TRMT9B: variants seen among roughly 807,000 people sequenced by gnomAD.
The protein encoded by TRMT9B is probable tRNA methyltransferase 9B.
In TRMT9B, 16 loss-of-function variants were observed where a neutral mutation model predicts 11.5. The ratio of observed to expected loss-of-function variants is 1.39; its 90% confidence interval spans 0.94 to 2.11. TRMT9B has a LOEUF of 2.11. Ranked by LOEUF, TRMT9B falls within the 30% of genes most tolerant of loss-of-function variation. TRMT9B has a pLI of 0.00. For missense variants in TRMT9B, 941 were observed against 553.8 expected (o/e 1.70, Z -7.02); for synonymous variants, 274 against 192.4 (o/e 1.42, Z -3.51).
At position 13,026,463 on chromosome 8, in the gene TRMT9B, G is replaced by T. The variant is rs1814703022; in HGVS notation, c.*4419G>T. 6.0e-6 allele frequency: 1 copy of T among 166,228 alleles called. No homozygotes were observed. 10.3% of individuals were successfully genotyped at this position (166,228 alleles called of 1,614,324 possible). On this transcript the variant is annotated 3_prime_UTR_variant, in exon 5 of 5. Coordinates refer to ENST00000524591, the MANE Select transcript of TRMT9B (RefSeq NM_020844.3). Reference sequence around the variant, plus strand: ...TATATAAGGGGGAAAGGGGTGGGGGGGAGGGGTTGTGCGGCTGGGGCCTCA... The same window carrying T: ...TATATAAGGGGGAAAGGGGTGGGGGTGAGGGGTTGTGCGGCTGGGGCCTCA...
rs765442177 is a variant in TRMT9B, at chr8:13,021,769, A to C, written c.1090A>C (p.Asn364His). Residue 364 changes from asparagine to histidine, a missense_variant, in exon 5 of 5, where the codon AAC becomes CAC. Asn to His is a moderately conservative substitution (Grantham distance 68). Coordinates refer to ENST00000524591, the MANE Select transcript of TRMT9B (RefSeq NM_020844.3). ...NTGVNCVDAG[N>H]IEDDNPSASK... ...TGGTGTGAATTGTGTGGATGCAGGC[A>C]ACATAGAAGATGATAATCCTTCTGC... 6.2e-7 allele frequency: 1 copy of C among 1,613,998 alleles called. No homozygotes were observed. The highest frequency in any genetic ancestry group is 8.5e-7 in the Non-Finnish European group (1 of 1,179,894).
intron 4 of TRMT9B, among the ~76,000 whole-genome samples, chr8:13,015,475 C>A (rs532350517): frequency 6.6e-6 from 1 of 152,184 alleles, no homozygotes; most frequent in East Asian, 1.9e-4. Context: ...CCTCAGCCTC[C>A]CAAGTAGCTG....
At chr8:13,014,052 G>A (rs891852032) in intron 4 of TRMT9B, among the ~76,000 whole-genome samples, 2 of 152,216 alleles carry the variant, frequency 1.3e-5, no homozygotes, top group Middle Eastern at 3.2e-3. Context: ...AGAATAAGAT[G>A]ATTTGCTCTT....
At chr8:13,016,362 C>G (rs1812704684) in intron 4 of TRMT9B, among the ~76,000 whole-genome samples, 1 of 145,064 alleles carries the variant, frequency 6.9e-6, no homozygotes, top group Non-Finnish European at 1.5e-5. Context: ...ATATAAGGAC[C>G]TATATTATGA....
intron 3 of TRMT9B, among the ~76,000 whole-genome samples, chr8:13,007,966 T>C (rs181755057): frequency 6.6e-6 from 1 of 152,314 alleles, no homozygotes; most frequent in African/African-American, 2.4e-5. Flanking sequence ...GAATATACAG[T>C]TGATTGCCAT....
At chr8:12,968,313 G>C (rs914094503) in intron 1 of TRMT9B, among the ~76,000 whole-genome samples, 3 of 152,212 alleles carry the variant, frequency 2.0e-5, no homozygotes, top group African/African-American at 7.2e-5. Context: ...GTCAAGAAGA[G>C]TGAGGAAGTG....
At position 13,024,888 on chromosome 8, in the gene TRMT9B, T is replaced by C. The variant is rs144981178; in HGVS notation, c.*2844T>C. The C allele has an allele frequency of 1.1e-3, 183 of 167,126 alleles. No individual in the cohort carries two copies. The highest frequency in any genetic ancestry group is 1.9e-3 in the Non-Finnish European group (129 of 68,116). 10.4% of individuals were successfully genotyped at this position (167,126 alleles called of 1,614,324 possible). A position where few individuals can be genotyped will look rare whatever the true frequency, so the allele number is the denominator to read the frequency against. On this transcript the variant is annotated 3_prime_UTR_variant, in exon 5 of 5. Coordinates refer to ENST00000524591, the MANE Select transcript of TRMT9B (RefSeq NM_020844.3). ...GTCACATGGAAAGCTCTTTTAAATT[T>C]AACTTCCGCCTTTGGATTTTTTTTA... is the stretch of plus-strand genomic sequence containing the variant.
intron 2 of TRMT9B, among the ~76,000 whole-genome samples, chr8:13,001,112 C>T (rs558886042): frequency 9.8e-5 from 15 of 152,310 alleles, no homozygotes; most frequent in Non-Finnish European, 2.1e-4. Context: ...CCTACAGCTA[C>T]ATTTATTTTG....
chr8:12,993,473 T>C (rs1033681537), intron 2 of TRMT9B, among the ~76,000 whole-genome samples: 3 of 152,162 alleles, frequency 2.0e-5, no homozygotes, highest in African/African-American at 7.2e-5. Context: ...GAAGGTTGTG[T>C]TGCCAACTCC....
rs147989378 is a variant in TRMT9B, at chr8:12,989,155, C to T, written c.-199-1679C>T. 4.9e-3 allele frequency among the ~76,000 whole-genome samples: 748 copies of T among 152,200 alleles called. 9 individuals carry two copies. The highest frequency in any genetic ancestry group is 0.017 in the African/African-American group (701 of 41,530). ...CTGACCCTCTTCCCAGGAAAATACA[C>T]GCATGGCTTATTTCAGAAGGTTTAA... On this transcript the variant is annotated intron_variant, in intron 1 of 4. Coordinates refer to ENST00000524591, the MANE Select transcript of TRMT9B (RefSeq NM_020844.3).
intron 1 of TRMT9B, among the ~76,000 whole-genome samples, chr8:12,963,752 C>A: frequency 6.6e-6 from 1 of 152,160 alleles, no homozygotes; most frequent in East Asian, 1.9e-4. Flanking sequence ...CTGTCTCAAA[C>A]AAAACAAAAA....
chr8:12,952,361 G>T (rs1273787543), intron 1 of TRMT9B: 9 of 323,108 alleles, frequency 2.8e-5, no homozygotes, highest in South Asian at 1.1e-4. Context: ...CCGCCTGGGT[G>T]AGTTCCTGCT....
At chr8:13,009,460 A>G (rs771001662) in intron 3 of TRMT9B, among the ~76,000 whole-genome samples, 2 of 152,330 alleles carry the variant, frequency 1.3e-5, no homozygotes, top group Non-Finnish European at 2.9e-5. Flanking sequence ...GCAACAAAGT[A>G]CAAAAGAATG....
rs769263610 is a variant in TRMT9B at position 13,021,139 on chromosome 8, C to G, written c.460C>G (p.Gln154Glu). ...MEQKNRHFEK[Q>E]DVLVPWNRAL... ...ACAAAAGAACCGTCACTTTGAGAAGCAAGACGTGCTTGTTCCATGGAACAG... is the reference window on the plus strand; with the variant it reads ...ACAAAAGAACCGTCACTTTGAGAAGGAAGACGTGCTTGTTCCATGGAACAG... The change falls in exon 5 of 5, where the codon CAA becomes GAA. Residue 154 changes from glutamine to glutamate, a missense_variant. Transcript: ENST00000524591. The G allele has an allele frequency of 1.9e-6, 3 of 1,613,684 alleles. No homozygotes were observed. The highest frequency in any genetic ancestry group is 2.7e-5 in the African/African-American group (2 of 74,924).
chr8:12,969,128 G>T (rs186138668), intron 1 of TRMT9B, among the ~76,000 whole-genome samples: 1 of 152,132 alleles, frequency 6.6e-6, no homozygotes, highest in Non-Finnish European at 1.5e-5. Context: ...CAGGAGAATC[G>T]CTTGGAAGGT....
At chr8:13,002,371 A>G (rs1809602857) in intron 2 of TRMT9B, among the ~76,000 whole-genome samples, 2 of 152,238 alleles carry the variant, frequency 1.3e-5, no homozygotes, top group Admixed American at 6.5e-5. Context: ...ATAGACTAAA[A>G]TCTACTGAGA....
chr8:12,953,797 T>C (rs1050303997), intron 1 of TRMT9B, among the ~76,000 whole-genome samples: 1 of 152,146 alleles, frequency 6.6e-6, no homozygotes, highest in Non-Finnish European at 1.5e-5. Flanking sequence ...TCTCAGATGG[T>C]CATTGGTTAC....
intron 2 of TRMT9B, 111 bp from the exon 3 acceptor site, chr8:13,006,091 G>C: frequency 1.0e-6 from 1 of 961,246 alleles, no homozygotes; most frequent in South Asian, 1.7e-5. Flanking sequence ...TGTGCAAACA[G>C]CATGAGTTTG....
chr8:12,975,896 C>T (rs1804370458), intron 1 of TRMT9B, among the ~76,000 whole-genome samples: 1 of 152,002 alleles, frequency 6.6e-6, no homozygotes, highest in South Asian at 2.1e-4. Flanking sequence ...TGGTCATTGT[C>T]CATAAAGAGT....
Sources: gnomAD v4.1 joint callset for allele counts (sites outside exome capture counted in the v4.1 genomes callset) on GRCh38, gnomAD v4.1.1 for gene constraint, MANE v1.5 for transcripts, NCBI Gene and HGNC (gene_info 2026-07-23, HGNC 2026-07-21) for gene names.